The following SPAG16 variants were observed in gnomAD, a reference collection of about 807,000 sequenced individuals.
SPAG16 encodes sperm-associated antigen 16 protein.
A neutral mutation model predicts 80.4 loss-of-function variants in SPAG16; 86 were observed. The ratio of observed to expected loss-of-function variants is 1.07; its 90% CI spans 0.90 to 1.28. The LOEUF (loss-of-function observed/expected upper bound fraction) is 1.28, where lower values mean the gene tolerates loss of function less well. Ranked by LOEUF, SPAG16 falls within the 50% of genes most tolerant of loss-of-function variation. The pLI is 0.00. For missense variants in SPAG16, 870 were observed against 765.3 expected, an observed-to-expected ratio of 1.14 and a Z score of -1.61; for synonymous variants, 294 against 265.9, an observed-to-expected ratio of 1.11 and a Z score of -1.03.
At chr2:213,722,869 GT>G (rs2066592959) in intron 10 of SPAG16, among the ~76,000 whole-genome samples, 1 of 152,150 alleles carries the variant, frequency 6.6e-6, no homozygotes, top group South Asian at 2.1e-4. Flanking sequence ...AAACTCAGTT[GT>G]TTGGGGGGCT....
At chr2:214,070,175 G>A (rs1559756983) in intron 13 of SPAG16, among the ~76,000 whole-genome samples, 1 of 148,568 alleles carries the variant, frequency 6.7e-6, no homozygotes, top group Non-Finnish European at 1.5e-5. Context: ...TTTGTTATTT[G>A]CCTTTTAATT....
intron 10 of SPAG16, among the ~76,000 whole-genome samples, chr2:213,735,210 G>A (rs1559421834): frequency 6.6e-6 from 1 of 152,056 alleles, no homozygotes; most frequent in Non-Finnish European, 1.5e-5. Flanking sequence ...AAATATGTAG[G>A]TGCTGGTTCT....
At chr2:213,990,541 C>G (rs1409959713) in intron 12 of SPAG16, among the ~76,000 whole-genome samples, 2 of 151,966 alleles carry the variant, frequency 1.3e-5, no homozygotes, top group Non-Finnish European at 2.9e-5. Flanking sequence ...ATACTCTGTT[C>G]TTATAATAAA....
chr2:213,381,448 C>T (rs2125242297), intron 9 of SPAG16, among the ~76,000 whole-genome samples: 1 of 152,266 alleles, frequency 6.6e-6, no homozygotes, highest in Admixed American at 6.5e-5. Flanking sequence ...ACAACGGTTC[C>T]ATGTTGGTTT....
At chr2:213,976,482 A>T (rs1057396304) in intron 12 of SPAG16, among the ~76,000 whole-genome samples, 1 of 152,106 alleles carries the variant, frequency 6.6e-6, no homozygotes, top group South Asian at 2.1e-4. Flanking sequence ...ATGTAGCAAA[A>T]AGGACTTGCA....
chr2:214,050,213 C>T (rs1294132378), intron 13 of SPAG16, among the ~76,000 whole-genome samples: 1 of 151,504 alleles, frequency 6.6e-6, no homozygotes, highest in Non-Finnish European at 1.5e-5. Flanking sequence ...GAAGTGAAGG[C>T]AAGTCTAGCC....
intron 9 of SPAG16, among the ~76,000 whole-genome samples, chr2:213,382,829 G>T (rs893334438): frequency 1.3e-5 from 2 of 152,094 alleles, no homozygotes; most frequent in East Asian, 1.9e-4. Context: ...GATGGTCAAG[G>T]TTACTTTAGT....
intron 9 of SPAG16, among the ~76,000 whole-genome samples, chr2:213,405,374 G>A (rs1049682622): frequency 3.9e-5 from 6 of 152,052 alleles, no homozygotes; most frequent in African/African-American, 1.4e-4. Context: ...ACATATATAT[G>A]GGGTACATGT....
chr2:213,387,390 CA>C (rs1243772689), intron 9 of SPAG16, among the ~76,000 whole-genome samples: 1 of 132,792 alleles, frequency 7.5e-6, no homozygotes, highest in Non-Finnish European at 1.6e-5. Context: ...TTTTTTTGCC[CA>C]AATTCTTAGT....
intron 9 of SPAG16, among the ~76,000 whole-genome samples, chr2:213,457,769 G>T (rs546302106): frequency 6.6e-6 from 1 of 152,038 alleles, no homozygotes; most frequent in Non-Finnish European, 1.5e-5. Context: ...CTGTCTGACA[G>T]CATACTTATT....
chr2:213,930,298 A>G (rs1027200960), intron 12 of SPAG16, among the ~76,000 whole-genome samples, 153 bp downstream of exon 12: 11 of 152,168 alleles, frequency 7.2e-5, no homozygotes, highest in African/African-American at 2.4e-4. Flanking sequence ...TACTTAAATA[A>G]TCTTTGTGAA....
chr2:213,962,028 G>T (rs2044460448), intron 12 of SPAG16, among the ~76,000 whole-genome samples: 1 of 151,960 alleles, frequency 6.6e-6, no homozygotes, highest in African/African-American at 2.4e-5. Context: ...TCTTTGTGTA[G>T]GGTTTTTAAA....
rs1240616072 is a variant in SPAG16 at position 213,984,770 on chromosome 2, C to T, written c.1401-29181C>T. Among the ~76,000 whole-genome samples, 5 of 152,164 alleles carry T rather than the reference C, an allele frequency of 3.3e-5. No individual in the cohort carries two copies. The South Asian group carries it at 1.0e-3, about 32-fold the overall frequency. On this transcript the variant is annotated intron_variant, in intron 12 of 15. Coordinates refer to ENST00000331683, the MANE Select transcript of SPAG16 (RefSeq NM_024532.5). The stretch of plus-strand genomic sequence containing the variant: ...CAACTCCTTCTCCAACCATATATGC[C>T]ATCACTGTCCCCATCCCTCTCTCTA...
chr2:214,346,648 T>C (rs1270922034), intron 15 of SPAG16, among the ~76,000 whole-genome samples: 2 of 152,196 alleles, frequency 1.3e-5, no homozygotes, highest in Non-Finnish European at 2.9e-5. Flanking sequence ...ATTAGCCACA[T>C]TGCTCACTGG....
At chr2:213,542,867 G>T (rs2076497476) in intron 10 of SPAG16, among the ~76,000 whole-genome samples, 1 of 151,972 alleles carries the variant, frequency 6.6e-6, no homozygotes, top group Non-Finnish European at 1.5e-5. Context: ...AATGTAAGCA[G>T]TAGAAAGTGA....
At chr2:214,058,041 C>G (rs2050038855) in intron 13 of SPAG16, among the ~76,000 whole-genome samples, 1 of 151,980 alleles carries the variant, frequency 6.6e-6, no homozygotes, top group South Asian at 2.1e-4. Flanking sequence ...TCCAGACCAC[C>G]AAAACTGTCT....
intron 11 of SPAG16, among the ~76,000 whole-genome samples, chr2:213,922,036 T>C (rs1419324476): frequency 6.6e-6 from 1 of 152,118 alleles, no homozygotes; most frequent in Non-Finnish European, 1.5e-5. Flanking sequence ...CTCACAGGAG[T>C]TATATGCATT....
At chr2:213,332,549 C>A (rs1470567813) in intron 5 of SPAG16, among the ~76,000 whole-genome samples, 1 of 152,006 alleles carries the variant, frequency 6.6e-6, no homozygotes, top group Non-Finnish European at 1.5e-5. Context: ...ACCCATATTA[C>A]CCTGATACCC....
chr2:214,348,217 G>A (rs1698183256), intron 15 of SPAG16, among the ~76,000 whole-genome samples: 1 of 152,164 alleles, frequency 6.6e-6, no homozygotes, highest in Non-Finnish European at 1.5e-5. Flanking sequence ...TTCACACATG[G>A]ACATAATTCA....
Sources: allele counts gnomAD v4.1 joint callset (sites outside exome capture counted in the v4.1 genomes callset), GRCh38; gene constraint gnomAD v4.1.1; transcripts MANE v1.5; gene names NCBI Gene and HGNC (gene_info 2026-07-23, HGNC 2026-07-21).